EPB41L3: variants seen among roughly 807,000 people sequenced by gnomAD.
EPB41L3 encodes the protein erythrocyte membrane protein band 4.1 like 3.
A neutral mutation model predicts 127.1 loss-of-function variants in EPB41L3; 57 were observed. That is an observed-to-expected ratio of 0.45 (90% CI 0.36 to 0.56). The LOEUF (loss-of-function observed/expected upper bound fraction) is 0.56. EPB41L3 is among the 20% of genes least tolerant of loss of function. The pLI, the probability that EPB41L3 is intolerant of heterozygous loss-of-function variation, is 0.00. For synonymous variants in EPB41L3, 572 were observed against 549.5 expected, an observed-to-expected ratio of 1.04 and a Z score of -0.57; for missense variants, 1,273 against 1,372.2, an observed-to-expected ratio of 0.93 and a Z score of 1.14.
chr18:5,419,969 T>C, intron 11 of EPB41L3, 92 bp from the exon 12 acceptor site: 3 of 1,599,034 alleles, frequency 1.9e-6, no homozygotes, highest in East Asian at 2.2e-5. Context: ...AAATCCAAAA[T>C]AGTTAGGTCA....
chr18:5,577,048 T>C (rs8085771), intron 3 of EPB41L3, among the ~76,000 whole-genome samples: 98,824 of 152,100 alleles, frequency 0.65, 32,454 homozygotes, highest in South Asian at 0.71. Context: ...AGGTGAGATA[T>C]GCTGTAGCTA....
chr18:5,496,650 C>T (rs1283919076), intron 1 of EPB41L3, among the ~76,000 whole-genome samples: 3 of 152,216 alleles, frequency 2.0e-5, no homozygotes, highest in Non-Finnish European at 4.4e-5. Flanking sequence ...CAAAGGAGGC[C>T]TGATTATCTA....
intron 18 of EPB41L3, among the ~76,000 whole-genome samples, chr18:5,396,751 C>T (rs2073573193): frequency 6.6e-6 from 1 of 152,112 alleles, no homozygotes; most frequent in African/African-American, 2.4e-5. Context: ...ATCACATTTT[C>T]TAATATCTTG....
At chr18:5,582,984 G>A (rs2094408347) in intron 3 of EPB41L3, among the ~76,000 whole-genome samples, 1 of 152,168 alleles carries the variant, frequency 6.6e-6, no homozygotes, top group African/African-American at 2.4e-5. Flanking sequence ...GTGATGGAAG[G>A]GACCCTGCGG....
At chr18:5,463,907 C>T (rs904643076) in intron 3 of EPB41L3, 2 of 152,190 alleles carry the variant, frequency 1.3e-5, no homozygotes, top group East Asian at 1.9e-4. Flanking sequence ...TATGTTTACG[C>T]GATGTTTTGC....
intron 1 of EPB41L3, among the ~76,000 whole-genome samples, chr18:5,621,327 C>G (rs1049292934): frequency 2.0e-5 from 3 of 152,170 alleles, no homozygotes; most frequent in African/African-American, 7.2e-5. Context: ...GTTAGAATGA[C>G]TATTTTGTGA....
intron 1 of EPB41L3, among the ~76,000 whole-genome samples, chr18:5,626,846 T>G (rs1178142082): frequency 6.6e-6 from 1 of 152,232 alleles, no homozygotes; most frequent in Non-Finnish European, 1.5e-5. Flanking sequence ...GAGGAAAGCA[T>G]GCCAATGTTC....
chr18:5,599,169 A>T (rs554000115), intron 3 of EPB41L3, among the ~76,000 whole-genome samples: 2 of 152,190 alleles, frequency 1.3e-5, no homozygotes, highest in South Asian at 4.1e-4. Flanking sequence ...TATGAAATAG[A>T]TTCAGGAGTC....
intron 3 of EPB41L3, among the ~76,000 whole-genome samples, chr18:5,554,796 TCA>T (rs1491460212): frequency 9.8e-6 from 1 of 101,870 alleles, no homozygotes; most frequent in South Asian, 3.0e-4. Flanking sequence ...CCCTCTTTGC[TCA>T]TGTGTACAAA....
intron 5 of EPB41L3, among the ~76,000 whole-genome samples, chr18:5,442,797 CCTT>C (rs988359914): frequency 2.0e-5 from 3 of 152,182 alleles, no homozygotes; most frequent in African/African-American, 7.2e-5. Flanking sequence ...AAAAACTCCT[CCTT>C]CTCAACCCCG....
In EPB41L3 at chr18:5,615,923, G is replaced by T. The variant is rs140189284; in HGVS notation, c.-467-1500C>A. On this transcript the variant is annotated intron_variant, in intron 1 of 21. Coordinates refer to the EPB41L3 transcript ENST00000545076. ...AATCCCCTCCAACTGGGAAGTCCTA[G>T]TTCTGTGCCCTCAGGTTCTCCTCCA... Among the ~76,000 whole-genome samples, 1,189 of 152,204 alleles carry T rather than the reference G, an allele frequency of 7.8e-3. 7 individuals carry two copies. The highest frequency in any genetic ancestry group is 0.031 in the Middle Eastern group (9 of 294).
At chr18:5,510,959 A>T (rs144729132) in intron 1 of EPB41L3, among the ~76,000 whole-genome samples, 1 of 152,326 alleles carries the variant, frequency 6.6e-6, no homozygotes, top group African/African-American at 2.4e-5. Context: ...CAGTTAAAAA[A>T]ACAAAAGAGG....
intron 3 of EPB41L3, among the ~76,000 whole-genome samples, chr18:5,468,379 C>T (rs943858579): frequency 6.6e-6 from 1 of 152,136 alleles, no homozygotes; most frequent in East Asian, 1.9e-4. Flanking sequence ...AGGTGGAGTC[C>T]GCGGCCCCCT....
chr18:5,482,198 G>A (rs1311778835), intron 2 of EPB41L3, among the ~76,000 whole-genome samples: 2 of 152,254 alleles, frequency 1.3e-5, no homozygotes, highest in East Asian at 1.9e-4. Context: ...AGAAATCTCA[G>A]AACTGAGAAA....
chr18:5,522,578 A>C (rs545221945), intron 1 of EPB41L3, among the ~76,000 whole-genome samples: 16 of 152,320 alleles, frequency 1.1e-4, no homozygotes, highest in Non-Finnish European at 1.6e-4. Context: ...ATCTTTTTCT[A>C]CTCAGCTTAA....
chr18:5,548,506 A>T (rs1257546445), upstream of EPB41L3, among the ~76,000 whole-genome samples: 1 of 152,230 alleles, frequency 6.6e-6, no homozygotes, highest in African/African-American at 2.4e-5. Flanking sequence ...TATTCATCAG[A>T]ATTCCATATT....
At position 5,397,815 on chromosome 18, in the gene EPB41L3, T is replaced by C. The variant is rs2073829020; in HGVS notation, c.2472+206A>G. ...TTAAAATTTCTCAATATGATCGCCT[T>C]TCGAATAGTGAAGTACATTCTTGAG... On this transcript the variant is annotated intron_variant, in intron 17 of 22. Transcript: ENST00000341928. This position sits in a 1 kb window ranked among gnomAD's most constrained non-coding sequence, Gnocchi z 4.1. Among the ~76,000 whole-genome samples the C allele has an allele frequency of 6.6e-6, 1 of 152,228 alleles. No individual in the cohort carries two copies. The highest frequency in any genetic ancestry group is 1.5e-5 in the Non-Finnish European group (1 of 68,040).
intron 3 of EPB41L3, among the ~76,000 whole-genome samples, chr18:5,448,625 G>A (rs2081869134): frequency 6.6e-6 from 1 of 152,016 alleles, no homozygotes; most frequent in Admixed American, 6.6e-5. Context: ...AATGGATAGA[G>A]GTATTCTAAA....
At position 5,395,651 on chromosome 18, in the gene EPB41L3, T is replaced by G. The variant is rs753306885; in HGVS notation, c.3030A>C (p.Thr1010=). The change falls in exon 20 of 23, where the codon ACA becomes ACC. Residue 1010 remains threonine (T), a synonymous_variant. Transcript: ENST00000341928. ...TGGTGGTGGTACTGGTGGTTTCAGA[T>G]GTGATCGTCTGTGCACTCATCAGCA... ...PGVLMSAQTI[T]SETTSTTTTT... The G allele has an allele frequency of 6.2e-7, 1 of 1,614,174 alleles. No individual in the cohort carries two copies.
Sources: allele counts gnomAD v4.1 joint callset (sites outside exome capture counted in the v4.1 genomes callset), GRCh38; gene constraint gnomAD v4.1.1; non-coding constraint Gnocchi (gnomAD v3.1); transcripts MANE v1.5; gene names NCBI Gene and HGNC (gene_info 2026-07-23, HGNC 2026-07-21).